SBF2: variants seen among roughly 807,000 people sequenced by gnomAD.
SBF2 encodes the protein myotubularin-related protein 13.
Under a neutral mutation model 225.2 loss-of-function variants are expected in SBF2, and 112 were observed. The ratio of observed to expected loss-of-function variants is 0.50; its 90% CI spans 0.43 to 0.58. SBF2 has a LOEUF of 0.58. Among genes scored for constraint, SBF2 ranks in the 20% least tolerant of loss-of-function variants. The pLI is 0.00. For missense variants in SBF2, 1,996 were observed against 2,206.2 expected, an observed-to-expected ratio of 0.90 and a Z score of 1.91; for synonymous variants, 763 against 773.3, an observed-to-expected ratio of 0.99 and a Z score of 0.22.
chr11:10,243,506 A>T (rs1263510874), intron 1 of SBF2, among the ~76,000 whole-genome samples: 1 of 151,876 alleles, frequency 6.6e-6, no homozygotes, highest in South Asian at 2.1e-4. Context: ...ACGAGAAAAA[A>T]AATTTTTTAA....
chr11:10,298,232 A>G (rs186081541), upstream of SBF2, among the ~76,000 whole-genome samples: 7 of 152,208 alleles, frequency 4.6e-5, no homozygotes, highest in African/African-American at 1.7e-4. Context: ...CTCTACTAAA[A>G]ACACAAAAAT....
intron 2 of SBF2, among the ~76,000 whole-genome samples, chr11:10,160,107 AAAG>A (rs1193005771): frequency 1.3e-5 from 2 of 152,196 alleles, no homozygotes; most frequent in African/African-American, 4.8e-5. Flanking sequence ...TCAAAATGTA[AAAG>A]AAGAAGTAAA....
intron 2 of SBF2, among the ~76,000 whole-genome samples, chr11:10,141,597 T>C (rs556321406): frequency 6.6e-6 from 1 of 152,284 alleles, no homozygotes; most frequent in East Asian, 1.9e-4. Flanking sequence ...AAATTATAGC[T>C]TCCCTCAAGT....
chr11:10,099,097 T>A (rs192331879), intron 2 of SBF2, among the ~76,000 whole-genome samples: 1 of 152,144 alleles, frequency 6.6e-6, no homozygotes, highest in Non-Finnish European at 1.5e-5. Flanking sequence ...GAGAGAGATA[T>A]GGACTTCCAT....
chr11:9,885,423 T>A (rs1421558556), intron 17 of SBF2, among the ~76,000 whole-genome samples: 1 of 152,142 alleles, frequency 6.6e-6, no homozygotes, highest in Non-Finnish European at 1.5e-5. Context: ...TATTGTCTAA[T>A]ACTTTCTTCC....
intron 16 of SBF2, among the ~76,000 whole-genome samples, chr11:9,901,124 T>C (rs911945539): frequency 2.0e-5 from 3 of 152,198 alleles, no homozygotes; most frequent in African/African-American, 7.2e-5. Flanking sequence ...AAAATAATTT[T>C]AAATGATAGA....
At position 9,919,326 on chromosome 11, in the gene SBF2, C is replaced by T. The variant is rs532717916; in HGVS notation, c.1861-23315G>A. Among the ~76,000 whole-genome samples the T allele has an allele frequency of 3.6e-4, 54 of 148,474 alleles. 1 individual carries two copies. The highest frequency in any genetic ancestry group is 1.2e-3 in the African/African-American group (48 of 39,968). On this transcript the variant is annotated intron_variant, in intron 16 of 39. Transcript: ENST00000256190. ...TGTTGCCCAGGCTGGAGTGCAATGG[C>T]ACCATCTTGGCTTGTAGTAGGACGA...
chr11:9,853,458 G>T, intron 20 of SBF2, 82 bp downstream of exon 20: 1 of 1,188,994 alleles, frequency 8.4e-7, no homozygotes, highest in Non-Finnish European at 1.3e-6. Context: ...GAACTATAAT[G>T]GAAGACATGT....
chr11:9,912,614 G>A (rs74683335), intron 16 of SBF2, among the ~76,000 whole-genome samples: 2,295 of 152,166 alleles, frequency 0.015, 47 homozygotes, highest in African/African-American at 0.052. Flanking sequence ...TTAGCTCATT[G>A]GCTATTTTTA....
At chr11:9,829,320 G>T (rs570224322) in intron 28 of SBF2, 36 bp downstream of exon 28, 22 of 1,608,302 alleles carry the variant, frequency 1.4e-5, no homozygotes, top group East Asian at 2.2e-5. Flanking sequence ...CCTTTCATTA[G>T]AAGCTGTCAA....
chr11:10,193,351 C>CTTT (rs60903141), intron 2 of SBF2, among the ~76,000 whole-genome samples: 5,286 of 110,374 alleles, frequency 0.048, 280 homozygotes, highest in South Asian at 0.095. Context: ...TCAATTTCAT[C>CTTT]TTTTTTTTTT....
chr11:10,267,104 A>T (rs11042706), intron 1 of SBF2, among the ~76,000 whole-genome samples: 3,210 of 152,162 alleles, frequency 0.021, 86 homozygotes, highest in African/African-American at 0.063. Flanking sequence ...AAATAAATTA[A>T]ATTAAATTAA....
intron 2 of SBF2, among the ~76,000 whole-genome samples, chr11:10,091,025 C>T (rs970682031): frequency 7.2e-5 from 11 of 152,132 alleles, no homozygotes; most frequent in Non-Finnish European, 1.2e-4. Context: ...CTCAACAGCA[C>T]ACCTTCTAGG....
chr11:10,247,117 T>A (rs1959878672), intron 1 of SBF2, among the ~76,000 whole-genome samples: 1 of 152,108 alleles, frequency 6.6e-6, no homozygotes, highest in Non-Finnish European at 1.5e-5. Context: ...CAATCTTACA[T>A]AAACTTTCAG....
chr11:9,871,817 AC>A (rs1858783370), intron 17 of SBF2, among the ~76,000 whole-genome samples: 1 of 152,072 alleles, frequency 6.6e-6, no homozygotes, highest in South Asian at 2.1e-4. Flanking sequence ...AAGTAAAAAA[AC>A]AACAGATGTT....
intron 1 of SBF2, among the ~76,000 whole-genome samples, chr11:10,272,908 A>C (rs1397539700): frequency 6.6e-6 from 1 of 151,954 alleles, no homozygotes; most frequent in Non-Finnish European, 1.5e-5. Context: ...CATCTCTACT[A>C]ATAATACAAA....
intron 2 of SBF2, among the ~76,000 whole-genome samples, chr11:10,132,231 C>T (rs748149924): frequency 2.4e-4 from 36 of 152,150 alleles, no homozygotes; most frequent in Non-Finnish European, 4.7e-4. Context: ...GTCAATGGAA[C>T]AAACCAAATA....
intron 2 of SBF2, among the ~76,000 whole-genome samples, chr11:10,047,990 C>G (rs1466057285): frequency 6.6e-6 from 1 of 152,090 alleles, no homozygotes; most frequent in Non-Finnish European, 1.5e-5. Flanking sequence ...ATAACAACAA[C>G]AATAATAACC....
At position 9,832,380 on chromosome 11, in the gene SBF2, T is replaced by C. The variant is rs773143809; in HGVS notation, c.3496A>G (p.Ser1166Gly). 1 of 1,614,054 alleles carries C rather than the reference T, an allele frequency of 6.2e-7. No individual in the cohort carries two copies. Among genetic ancestry groups the C allele is most frequent in the South Asian group, 1.1e-5 (1 of 91,076 alleles). ...CAGCGAGCTACTCTTGGTAAACTAC[T>C]GTCCTGTACAGCTTGAGGTACGACT... ...LLVVPQAVQD[S>G]SLPRVARCYR... is the part of the protein sequence containing the mutation. Residue 1166 changes from serine (S) to glycine (G), a missense_variant, in exon 27 of 40, where the codon AGT (serine) becomes GGT (glycine). By Grantham distance (56) the Ser-to-Gly change is moderately conservative. Transcript: ENST00000256190.
Sources: gnomAD v4.1 joint callset for allele counts (sites outside exome capture counted in the v4.1 genomes callset) on GRCh38, gnomAD v4.1.1 for gene constraint, MANE v1.5 for transcripts, NCBI Gene and HGNC (gene_info 2026-07-23, HGNC 2026-07-21) for gene names.